Variants in CDKAL1 observed in about 807,000 individuals in gnomAD.
CDKAL1 encodes the protein CDKAL1 threonylcarbamoyladenosine tRNA methylthiotransferase.
A neutral mutation model predicts 68.2 loss-of-function variants in CDKAL1; 32 were observed. The observed-to-expected ratio is 0.47, with a 90% CI of 0.35 to 0.63. The LOEUF (loss-of-function observed/expected upper bound fraction) is 0.63. Ranked by LOEUF, CDKAL1 falls within the 30% of genes least tolerant of loss-of-function variation. The pLI, the probability that CDKAL1 is intolerant of heterozygous loss-of-function variation, is 0.00. For synonymous variants in CDKAL1, 234 were observed against 244.3 expected, an observed-to-expected ratio of 0.96 and a Z score of 0.39; for missense variants, 606 against 696.7, an observed-to-expected ratio of 0.87 and a Z score of 1.47.
intron 4 of CDKAL1, among the ~76,000 whole-genome samples, chr6:20,592,520 G>T (rs1765635843): frequency 6.7e-6 from 1 of 149,714 alleles, no homozygotes; most frequent in South Asian, 2.1e-4. Context: ...CCAGGCTGGA[G>T]TGCAATGGTG....
intron 4 of CDKAL1, among the ~76,000 whole-genome samples, chr6:20,625,528 A>G (rs1484075285): frequency 1.3e-5 from 2 of 152,158 alleles, no homozygotes; most frequent in Non-Finnish European, 2.9e-5. Context: ...CCTGAAAATC[A>G]GTGCTTTCTG....
chr6:21,181,115 A>G (rs1401641037), intron 13 of CDKAL1, among the ~76,000 whole-genome samples: 1 of 152,164 alleles, frequency 6.6e-6, no homozygotes, highest in Non-Finnish European at 1.5e-5. Flanking sequence ...GAGCTGAGAA[A>G]GCCACACTCA....
chr6:20,902,276 G>C (rs1762025550), intron 9 of CDKAL1, among the ~76,000 whole-genome samples: 2 of 151,584 alleles, frequency 1.3e-5, no homozygotes, highest in African/African-American at 4.9e-5. Flanking sequence ...GGAGGGACCA[G>C]AGAAGAGGCT....
At chr6:20,674,068 T>G (rs1472321303) in intron 5 of CDKAL1, among the ~76,000 whole-genome samples, 2 of 152,248 alleles carry the variant, frequency 1.3e-5, no homozygotes, top group East Asian at 3.8e-4. Context: ...TAAAGGCTAT[T>G]ATTCCTATAT....
chr6:20,602,562 A>C (rs1245376550), intron 4 of CDKAL1, among the ~76,000 whole-genome samples: 3 of 152,176 alleles, frequency 2.0e-5, no homozygotes, highest in Non-Finnish European at 4.4e-5. Flanking sequence ...GTGGTTTATC[A>C]ACCATCCTGA....
intron 12 of CDKAL1, among the ~76,000 whole-genome samples, chr6:21,106,138 T>C (rs1454885075): frequency 6.6e-6 from 1 of 152,186 alleles, no homozygotes; most frequent in East Asian, 1.9e-4. Context: ...TATTTTTAAA[T>C]ACAGTCAGGC....
chr6:20,697,649 T>G (rs938030659), intron 5 of CDKAL1, among the ~76,000 whole-genome samples: 1 of 152,216 alleles, frequency 6.6e-6, no homozygotes, highest in Non-Finnish European at 1.5e-5. Flanking sequence ...TCATACCGTT[T>G]CAATTGGATT....
At chr6:20,668,714 T>G (rs997883107) in intron 5 of CDKAL1, among the ~76,000 whole-genome samples, 1 of 152,230 alleles carries the variant, frequency 6.6e-6, no homozygotes, top group Non-Finnish European at 1.5e-5. Context: ...GATACAGACT[T>G]AATTCACATT....
At chr6:20,810,441 C>G (rs1222122304) in intron 8 of CDKAL1, among the ~76,000 whole-genome samples, 1 of 107,434 alleles carries the variant, frequency 9.3e-6, no homozygotes, top group Non-Finnish European at 1.9e-5. Context: ...CACACACACA[C>G]ACACGTGGTG....
intron 9 of CDKAL1, among the ~76,000 whole-genome samples, chr6:20,895,299 C>T (rs1761623101): frequency 6.6e-6 from 1 of 152,140 alleles, no homozygotes; most frequent in African/African-American, 2.4e-5. Flanking sequence ...ACAAACAATG[C>T]AATTGTAATG....
At chr6:20,648,236 C>G (rs1360039157) in intron 4 of CDKAL1, among the ~76,000 whole-genome samples, 2 of 150,566 alleles carry the variant, frequency 1.3e-5, no homozygotes, top group African/African-American at 4.9e-5. Flanking sequence ...TCAAGCAATT[C>G]TCTGCCTCAG....
At chr6:21,016,357 C>A (rs1413010021) in intron 11 of CDKAL1, among the ~76,000 whole-genome samples, 1 of 151,998 alleles carries the variant, frequency 6.6e-6, no homozygotes, top group Admixed American at 6.6e-5. Flanking sequence ...CCTCACTGCC[C>A]ACCCCTCTGA....
At chr6:20,982,467 T>G (rs1766206326) in intron 10 of CDKAL1, among the ~76,000 whole-genome samples, 1 of 152,152 alleles carries the variant, frequency 6.6e-6, no homozygotes, top group African/African-American at 2.4e-5. Flanking sequence ...CATAAGGTAT[T>G]AATAATGTAA....
At chr6:20,940,957 G>A (rs1211500895) in intron 9 of CDKAL1, among the ~76,000 whole-genome samples, 2 of 152,060 alleles carry the variant, frequency 1.3e-5, no homozygotes, top group East Asian at 3.9e-4. Flanking sequence ...AGGCGTGGTG[G>A]TGGGCGCCTG....
At chr6:21,092,280 G>T (rs1187282066) in intron 12 of CDKAL1, among the ~76,000 whole-genome samples, 1 of 149,304 alleles carries the variant, frequency 6.7e-6, no homozygotes, top group East Asian at 2.0e-4. Flanking sequence ...TAAGTTCCGG[G>T]ATACATGTGC....
intron 6 of CDKAL1, among the ~76,000 whole-genome samples, chr6:20,742,505 A>G (rs1773502536): frequency 6.6e-6 from 1 of 151,998 alleles, no homozygotes; most frequent in African/African-American, 2.4e-5. Context: ...TCTCAAACCT[A>G]TTTTGTATTC....
At chr6:20,957,035 A>G (rs768652076) in intron 10 of CDKAL1, among the ~76,000 whole-genome samples, 1 of 145,172 alleles carries the variant, frequency 6.9e-6, no homozygotes, top group Non-Finnish European at 1.5e-5. Context: ...AAAAAATCAA[A>G]TATGCTAAGA....
intron 10 of CDKAL1, among the ~76,000 whole-genome samples, chr6:20,974,313 C>A (rs568494303): frequency 4.1e-4 from 62 of 152,250 alleles, no homozygotes; most frequent in South Asian, 6.2e-4. Context: ...TTGGCTTTGC[C>A]CAAACTTTGT....
chr6:21,052,669 G>A (rs1770609447), intron 11 of CDKAL1, among the ~76,000 whole-genome samples: 2 of 150,558 alleles, frequency 1.3e-5, no homozygotes, highest in South Asian at 4.2e-4. Flanking sequence ...TACCACACCT[G>A]GTCCTTTGTC....
Sources: allele counts gnomAD v4.1 joint callset (sites outside exome capture counted in the v4.1 genomes callset), GRCh38; gene constraint gnomAD v4.1.1; transcripts MANE v1.5; gene names NCBI Gene and HGNC (gene_info 2026-07-23, HGNC 2026-07-21).